RBFOX1: variants seen among roughly 807,000 people sequenced by gnomAD.
RBFOX1 encodes the protein RNA binding protein fox-1 homolog 1.
RBFOX1 carries 8 observed loss-of-function variants against 57.7 expected under a neutral mutation model. That is an observed-to-expected ratio of 0.14 (90% CI 0.08 to 0.25). The LOEUF (loss-of-function observed/expected upper bound fraction) is 0.25. Ranked by LOEUF, RBFOX1 falls within the 10% of genes least tolerant of loss-of-function variation. The pLI is 1.00. For missense variants in RBFOX1, 611 were observed against 548.5 expected, an observed-to-expected ratio of 1.11 and a Z score of -1.14; for synonymous variants, 326 against 222.4, an observed-to-expected ratio of 1.47 and a Z score of -4.15.
intron 3 of RBFOX1, among the ~76,000 whole-genome samples, chr16:5,769,788 C>G (rs939670598): frequency 1.3e-5 from 2 of 152,150 alleles, no homozygotes; most frequent in Admixed American, 6.5e-5. Context: ...AGGAATCAAA[C>G]CTGTCAATAC....
chr16:7,129,784 T>G (rs1473583298), intron 4 of RBFOX1, among the ~76,000 whole-genome samples: 1 of 113,900 alleles, frequency 8.8e-6, no homozygotes, highest in African/African-American at 3.4e-5. Context: ...AAGAGACATT[T>G]ATCACACTGA....
At chr16:6,158,024 T>C (rs1446050693) in intron 1 of RBFOX1, among the ~76,000 whole-genome samples, 2 of 152,134 alleles carry the variant, frequency 1.3e-5, no homozygotes, top group Admixed American at 1.3e-4. Context: ...CATTTGAAGA[T>C]GGAGGATAAT....
intron 1 of RBFOX1, among the ~76,000 whole-genome samples, chr16:6,228,788 G>A (rs941237313): frequency 4.6e-5 from 7 of 152,106 alleles, no homozygotes; most frequent in Non-Finnish European, 7.4e-5. Flanking sequence ...GAAAATCACC[G>A]AGTAGATTTT....
intron 1 of RBFOX1, among the ~76,000 whole-genome samples, chr16:5,437,662 T>C (rs901606507): frequency 6.6e-6 from 1 of 152,230 alleles, no homozygotes; most frequent in African/African-American, 2.4e-5. Context: ...ATATTACATA[T>C]GTAGTGTAAA....
intron 2 of RBFOX1, among the ~76,000 whole-genome samples, chr16:6,428,166 G>T (rs573204944): frequency 6.6e-6 from 1 of 151,396 alleles, no homozygotes; most frequent in South Asian, 2.1e-4. Flanking sequence ...TATGCCTGTA[G>T]TTCCAGCTAC....
intron 1 of RBFOX1, among the ~76,000 whole-genome samples, chr16:5,462,168 CTTTTTTT>C (rs1250754827): frequency 2.5e-5 from 1 of 40,706 alleles, no homozygotes; most frequent in East Asian, 7.2e-4. Context: ...TTCTTTCTTT[CTTTTTTT>C]TTTTTTTTTT....
At chr16:5,461,489 C>T (rs1372877540) in intron 1 of RBFOX1, among the ~76,000 whole-genome samples, 1 of 152,182 alleles carries the variant, frequency 6.6e-6, no homozygotes, top group Non-Finnish European at 1.5e-5. Context: ...GGCCCTGCAG[C>T]TGCAACCAAC....
intron 1 of RBFOX1, among the ~76,000 whole-genome samples, chr16:6,245,631 G>C (rs1253192252): frequency 6.6e-6 from 1 of 152,154 alleles, no homozygotes; most frequent in Non-Finnish European, 1.5e-5. Context: ...CTAGAGTAGT[G>C]GTAGGTGCTT....
In RBFOX1 at chr16:6,183,296, A is replaced by T. The variant is rs563516765; in HGVS notation, c.-126-133699A>T. 9.9e-5 allele frequency among the ~76,000 whole-genome samples: 15 copies of T among 151,766 alleles called. No individual in the cohort carries two copies. The South Asian group carries it at 2.3e-3, about 23-fold the overall frequency. On this transcript the variant is annotated intron_variant, in intron 1 of 15. Coordinates refer to ENST00000550418, the MANE Select transcript of RBFOX1 (RefSeq NM_018723.4). ...GAGATCGAGACCATCCTGGGTAACA[A>T]GGTGAAACCCTGTCTCTACTAAAAA...
chr16:7,044,659 A>C (rs1201563877), intron 3 of RBFOX1, among the ~76,000 whole-genome samples: 1 of 152,114 alleles, frequency 6.6e-6, no homozygotes, highest in East Asian at 1.9e-4. Flanking sequence ...TTTTTCATTT[A>C]GGCCATAAAA....
rs574476361 is a variant in RBFOX1 at position 6,624,020 on chromosome 16, T to C, written c.-63-30583T>C. Among the ~76,000 whole-genome samples the C allele has an allele frequency of 9.2e-5, 14 of 152,330 alleles. 1 individual carries two copies. The South Asian group carries it at 2.7e-3, about 29-fold the overall frequency. ...CTAGATCCCTGAGGAGTCGCCACAC[T>C]GACTTCCACAATGGTTGAACTAGTT... On this transcript the variant is annotated intron_variant, in intron 2 of 15. Transcript: ENST00000550418.
At chr16:7,093,722 G>C (rs528028361) in intron 4 of RBFOX1, among the ~76,000 whole-genome samples, 1 of 152,076 alleles carries the variant, frequency 6.6e-6, no homozygotes, top group Non-Finnish European at 1.5e-5. Context: ...GGAGTAATAC[G>C]CTATTTTCCG....
chr16:7,064,065 C>G (rs1397996282), intron 4 of RBFOX1, among the ~76,000 whole-genome samples: 2 of 151,558 alleles, frequency 1.3e-5, no homozygotes, highest in Non-Finnish European at 2.9e-5. Flanking sequence ...TCTAGTAACT[C>G]AGAATGTGAC....
At chr16:5,657,610 TTCTTTCTTTCTC>T (rs1317665815) in intron 3 of RBFOX1, among the ~76,000 whole-genome samples, 977 of 46,086 alleles carry the variant, frequency 0.021, 9 homozygotes, top group East Asian at 0.068. Flanking sequence ...CTCGCTCGCT[TTCTTTCTTTCTC>T]TCTTTCTTTC....
At chr16:7,523,168 G>T (rs1212614639) in intron 5 of RBFOX1, among the ~76,000 whole-genome samples, 2 of 152,164 alleles carry the variant, frequency 1.3e-5, no homozygotes, top group Non-Finnish European at 2.9e-5. Context: ...TGTGGTTGTA[G>T]CTCCTTCCTT....
chr16:6,017,167 C>G (rs960838867), upstream of RBFOX1, among the ~76,000 whole-genome samples: 8 of 152,162 alleles, frequency 5.3e-5, no homozygotes, highest in Admixed American at 2.0e-4. Context: ...TTTAATGTAA[C>G]AACAGCTGAT....
At chr16:6,522,300 T>A (rs2096517353) in intron 2 of RBFOX1, among the ~76,000 whole-genome samples, 1 of 151,996 alleles carries the variant, frequency 6.6e-6, no homozygotes, top group South Asian at 2.1e-4. Flanking sequence ...TCAGAAGTGA[T>A]GGGAGGGAAT....
chr16:5,392,345 G>T (rs1362775214), intron 1 of RBFOX1, among the ~76,000 whole-genome samples: 1 of 152,046 alleles, frequency 6.6e-6, no homozygotes, highest in Admixed American at 6.6e-5. Flanking sequence ...ACTCAGCCTG[G>T]TGACTTCTTA....
chr16:7,174,368 T>C (rs1183916701), intron 4 of RBFOX1, among the ~76,000 whole-genome samples: 1 of 152,234 alleles, frequency 6.6e-6, no homozygotes, highest in Non-Finnish European at 1.5e-5. Context: ...TTATGTAGAA[T>C]GTTACTATGA....
Sources: gnomAD v4.1 joint callset for allele counts (sites outside exome capture counted in the v4.1 genomes callset) on GRCh38, gnomAD v4.1.1 for gene constraint, MANE v1.5 for transcripts, NCBI Gene and HGNC (gene_info 2026-07-23, HGNC 2026-07-21) for gene names.